PDIA6: variants seen among roughly 807,000 people sequenced by gnomAD.
PDIA6 encodes the protein protein disulfide isomerase family A member 6, also known as protein disulfide-isomerase A6.
Under a neutral mutation model 58.4 loss-of-function variants are expected in PDIA6, and 29 were observed. The observed-to-expected ratio is 0.50, with a 90% CI of 0.37 to 0.68. PDIA6 has a LOEUF of 0.68. PDIA6 is among the 30% of genes least tolerant of loss of function. PDIA6 has a pLI of 0.00. For missense variants in PDIA6, 480 were observed against 551.0 expected, an observed-to-expected ratio of 0.87 and a Z score of 1.29; for synonymous variants, 192 against 202.6, an observed-to-expected ratio of 0.95 and a Z score of 0.44.
chr2:10,788,592 G>T, intron 10 of PDIA6, 105 bp downstream of exon 10: 7 of 784,474 alleles, frequency 8.9e-6, no homozygotes, highest in Non-Finnish European at 1.5e-5. Context: ...ACATATAGCA[G>T]AGCAAACATA....
At chr2:10,790,975 T>C (rs1233335416) in intron 6 of PDIA6, 142 bp from the exon 7 acceptor site, 19 of 623,074 alleles carry the variant, frequency 3.0e-5, no homozygotes, top group Admixed American at 5.1e-5. Context: ...GCCTCCAACA[T>C]AGCTGGGACT....
chr2:10,831,443 G>A (rs1310309611), intron 1 of PDIA6, among the ~76,000 whole-genome samples: 1 of 152,134 alleles, frequency 6.6e-6, no homozygotes, highest in Non-Finnish European at 1.5e-5. Context: ...TTCTGGCATG[G>A]TGGCTGGAGC....
Position 10,802,634 on chromosome 2 carries a change from A to G in PDIA6, c.26T>C (p.Val9Ala). 6.9e-7 allele frequency: 1 copy of G among 1,452,060 alleles called. No homozygotes were observed. The highest frequency in any genetic ancestry group is 1.6e-5 in the South Asian group (1 of 61,890). 89.9% of individuals were successfully genotyped at this position (1,452,060 alleles called of 1,614,324 possible). Residue 9 changes from valine to alanine, a missense_variant, in exon 2 of 13, where the codon GTG (valine) becomes GCG (alanine). Val to Ala is a moderately conservative substitution (Grantham distance 64). Coordinates refer to ENST00000272227, the MANE Select transcript of PDIA6 (RefSeq NM_005742.4). MALLVLGL[V>A]SCTFFLAVNG... ...CACTGCCAGAAAGAAGGTACAGCTC[A>G]CCAGACCTGAAGATAAAAACAAAAG...
In PDIA6 at chr2:10,783,593, T is replaced by C. The variant is rs964115413; in HGVS notation, c.*665A>G. 3.8e-5 allele frequency: 8 copies of C among 209,100 alleles called. No individual in the cohort carries two copies. The highest frequency in any genetic ancestry group is 6.7e-5 in the Non-Finnish European group (7 of 103,948). The allele number at this position is 209,100 out of a possible 1,614,324, so 13.0% of individuals were successfully genotyped here. Reference sequence around the variant, plus strand: ...ACAACATAGAAAGCCTTGAACTGTATAACCAGCTAGATTCCTTAATAATTA... The same window carrying C: ...ACAACATAGAAAGCCTTGAACTGTACAACCAGCTAGATTCCTTAATAATTA... On this transcript the variant is annotated 3_prime_UTR_variant, in exon 13 of 13. Transcript: ENST00000272227.
chr2:10,818,322 C>A (rs1667264348), intron 2 of PDIA6, among the ~76,000 whole-genome samples: 1 of 150,858 alleles, frequency 6.6e-6, no homozygotes, highest in Non-Finnish European at 1.5e-5. Flanking sequence ...CCACAACACA[C>A]CTGACTAATT....
intron 3 of PDIA6, 78 bp downstream of exon 3, chr2:10,797,622 C>A: frequency 3.1e-6 from 3 of 972,858 alleles, no homozygotes; most frequent in South Asian, 1.4e-5. Flanking sequence ...CTTAAACATA[C>A]ACAGGTGAAT....
chr2:10,803,617 T>C (rs1362991253), intron 1 of PDIA6, among the ~76,000 whole-genome samples: 1 of 152,220 alleles, frequency 6.6e-6, no homozygotes, highest in African/African-American at 2.4e-5. Flanking sequence ...GCATTTTCAT[T>C]AGCAACTCTG....
intron 1 of PDIA6, chr2:10,820,968 C>G: frequency 1.5e-6 from 1 of 666,006 alleles, no homozygotes; most frequent in Non-Finnish European, 2.8e-6. Flanking sequence ...GGTTTGGAAA[C>G]TGACCCTGGT....
chr2:10,803,877 A>G (rs938832459), intron 1 of PDIA6, among the ~76,000 whole-genome samples: 2 of 149,294 alleles, frequency 1.3e-5, no homozygotes, highest in Admixed American at 6.7e-5. Context: ...GAGTAGACCT[A>G]GGCTAATGTG....
intron 3 of PDIA6, 77 bp from the exon 4 acceptor site, chr2:10,797,284 A>G: frequency 2.1e-6 from 3 of 1,399,594 alleles, no homozygotes; most frequent in Non-Finnish European, 2.9e-6. Flanking sequence ...TCTGCTTCAC[A>G]TAGACTCAGA....
chr2:10,800,945 C>T (rs1164119842), intron 2 of PDIA6, among the ~76,000 whole-genome samples: 1 of 151,998 alleles, frequency 6.6e-6, no homozygotes, highest in African/African-American at 2.4e-5. Context: ...AAGGCCTTCA[C>T]CAAGATGCTA....
upstream of PDIA6, among the ~76,000 whole-genome samples, chr2:10,835,565 A>C (rs183537108): frequency 2.3e-3 from 350 of 152,318 alleles, no homozygotes; most frequent in African/African-American, 7.9e-3. Context: ...ACACTCGGAT[A>C]CACAGCTTTA....
exon 1 of PDIA6, chr2:10,832,473 G>GTTA (rs774986578): frequency 4.1e-6 from 4 of 984,828 alleles, no homozygotes; most frequent in Non-Finnish European, 4.8e-6. Flanking sequence ...CCTTGCAGCG[G>GTTA]GCACCCTCGG....
In PDIA6 at chr2:10,801,574, T is replaced by C. The variant is rs142294551; in HGVS notation, c.161+925A>G. On this transcript the variant is annotated intron_variant, in intron 2 of 12. Coordinates refer to ENST00000272227, the MANE Select transcript of PDIA6 (RefSeq NM_005742.4). The stretch of plus-strand genomic sequence containing the variant: ...ATCCACACAGAATTAGCATTTGGAC[T>C]GAACACATATATACCAGAGCCTTTA... 2.1e-3 allele frequency among the ~76,000 whole-genome samples: 318 copies of C among 152,370 alleles called. 5 individuals carry two copies. The highest frequency in any genetic ancestry group is 5.6e-3 in the Admixed American group (85 of 15,308).
chr2:10,801,032 A>C (rs1666489225), intron 2 of PDIA6, among the ~76,000 whole-genome samples: 1 of 152,210 alleles, frequency 6.6e-6, no homozygotes, highest in South Asian at 2.1e-4. Flanking sequence ...TAATCCCAGC[A>C]CTTTGCGAGG....
At chr2:10,787,956 C>T (rs1686511) in intron 10 of PDIA6, among the ~76,000 whole-genome samples, 37,646 of 151,142 alleles carry the variant, frequency 0.25, 5,254 homozygotes, top group East Asian at 0.4. Flanking sequence ...GTCCCAGCTA[C>T]GCAGGAGGCT....
chr2:10,817,108 G>T (rs940369438), upstream of PDIA6, among the ~76,000 whole-genome samples: 2 of 152,170 alleles, frequency 1.3e-5, no homozygotes, highest in African/African-American at 2.4e-5. Context: ...GCTCCAGCCC[G>T]CTAGGATCAC....
At chr2:10,784,578 A>C in intron 12 of PDIA6, 1 of 522,616 alleles carries the variant, frequency 1.9e-6, no homozygotes. Flanking sequence ...TGTCCTTTTG[A>C]GGAGGGTGGG....
chr2:10,784,027 T>C lies in PDIA6; in HGVS notation c.*231A>G, dbSNP rs1328444016. On this transcript the variant is annotated 3_prime_UTR_variant, in exon 13 of 13. Transcript: ENST00000272227. Reference sequence around the variant, plus strand: ...GCCAAGTTTTCTTCAAAATATTATGTGACAGAATACGACTCAATTCACCGG... The same window carrying C: ...GCCAAGTTTTCTTCAAAATATTATGCGACAGAATACGACTCAATTCACCGG... 5 of 357,616 alleles carry C rather than the reference T, an allele frequency of 1.4e-5. No homozygotes were observed. The South Asian group carries it at 3.5e-4, about 25-fold the overall frequency. 22.2% of individuals were successfully genotyped at this position (357,616 alleles called of 1,614,324 possible).
Sources: gnomAD v4.1 joint callset for allele counts (sites outside exome capture counted in the v4.1 genomes callset) on GRCh38, gnomAD v4.1.1 for gene constraint, MANE v1.5 for transcripts, NCBI Gene and HGNC (gene_info 2026-07-23, HGNC 2026-07-21) for gene names.